The following PCNT variants were observed in gnomAD, a reference collection of about 807,000 sequenced individuals.
PCNT encodes pericentrin, also known as kendrin.
PCNT carries 319 observed loss-of-function variants against 380.4 expected under a neutral mutation model. That is an observed-to-expected ratio of 0.84 (90% CI 0.77 to 0.92). The LOEUF (loss-of-function observed/expected upper bound fraction) is 0.92, where lower values mean the gene tolerates loss of function less well. Among genes scored for constraint, PCNT ranks in the 40% least tolerant of loss-of-function variants. The pLI is 0.00. For synonymous variants in PCNT, 1,845 were observed against 1,735.2 expected, an observed-to-expected ratio of 1.06 and a Z score of -1.57; for missense variants, 4,400 against 4,255.3, an observed-to-expected ratio of 1.03 and a Z score of -0.95.
At chr21:46,377,642 A>G (rs1338878646) in intron 15 of PCNT, among the ~76,000 whole-genome samples, 1 of 152,008 alleles carries the variant, frequency 6.6e-6, no homozygotes, top group African/African-American at 2.4e-5. Flanking sequence ...AGGCAGGAGG[A>G]TTGCTGGAGC....
intron 36 of PCNT, 92 bp from the exon 37 acceptor site, chr21:46,430,415 G>T: frequency 6.7e-7 from 1 of 1,498,130 alleles, no homozygotes. Context: ...TGTGGGACCT[G>T]GCAGGGCTCT....
At chr21:46,440,372 T>C (rs2053574617) in intron 42 of PCNT, among the ~76,000 whole-genome samples, 170 bp downstream of exon 42, 1 of 152,232 alleles carries the variant, frequency 6.6e-6, no homozygotes, top group Non-Finnish European at 1.5e-5. Flanking sequence ...AATTTTGTTT[T>C]AATTGTGCAC....
chr21:46,364,245 C>T (rs1340809818), intron 14 of PCNT, among the ~76,000 whole-genome samples: 6 of 150,272 alleles, frequency 4.0e-5, no homozygotes, highest in African/African-American at 7.4e-5. Context: ...GCTTTGTGCT[C>T]GGACGGGCAG....
intron 14 of PCNT, 113 bp downstream of exon 14, chr21:46,364,047 C>A: frequency 1.1e-6 from 1 of 896,028 alleles, no homozygotes; most frequent in Non-Finnish European, 1.8e-6. Flanking sequence ...GCGAAAAGGT[C>A]TGGAGGGAGC....
At position 46,355,353 on chromosome 21, in the gene PCNT, G is replaced by A. The variant is rs934123140; in HGVS notation, c.1762-99G>A. 19 of 1,314,694 alleles carry A rather than the reference G, an allele frequency of 1.4e-5. No individual in the cohort carries two copies. In the African/African-American group the frequency reaches 1.6e-4, roughly 11 times the overall value. The allele number at this position is 1,314,694 out of a possible 1,614,324, so 81.4% of individuals were successfully genotyped here. The stretch of plus-strand genomic sequence containing the variant: ...GTCTCATGAACCTAGTGAGGTTTGA[G>A]TTTTCTTTGTGCATAGCAGGAAACA... On this transcript the variant is annotated intron_variant, in intron 11 of 46. Transcript: ENST00000359568.
chr21:46,336,149 A>T (rs1166863759), intron 3 of PCNT, among the ~76,000 whole-genome samples: 1 of 151,854 alleles, frequency 6.6e-6, no homozygotes, highest in Non-Finnish European at 1.5e-5. Context: ...GCTAATTTTT[A>T]TATTTTTAGT....
chr21:46,355,367 T>C (rs909079813), intron 11 of PCNT, 85 bp from the exon 12 acceptor site: 4 of 1,409,734 alleles, frequency 2.8e-6, no homozygotes, highest in Non-Finnish European at 3.0e-6. Context: ...TCTTTGTGCA[T>C]AGCAGGAAAC....
rs1725195769 is a variant in PCNT, at chr21:46,425,827, A to G, written c.7180-4A>G. On this transcript the variant is annotated splice_region_variant and splice_polypyrimidine_tract_variant and intron_variant, in intron 32 of 46. Transcript: ENST00000359568. The surrounding 1 kb of genome is among the most constrained non-coding windows in gnomAD (Gnocchi z 4.2). ...CTCCCTTCTGACGCGCTTTCCCGCCACAGGCTTTACTGCAGATGGTGCGTG... is the reference window on the plus strand; with the variant it reads ...CTCCCTTCTGACGCGCTTTCCCGCCGCAGGCTTTACTGCAGATGGTGCGTG... 1.2e-6 allele frequency: 2 copies of G among 1,613,444 alleles called. No individual in the cohort carries two copies. Among genetic ancestry groups the G allele is most frequent in the Non-Finnish European group, 1.7e-6 (2 of 1,179,992 alleles).
chr21:46,413,206 G>A (rs112299117), intron 29 of PCNT, among the ~76,000 whole-genome samples: 1 of 131,926 alleles, frequency 7.6e-6, no homozygotes, highest in Non-Finnish European at 1.6e-5. Flanking sequence ...AGGCCCACCC[G>A]GGAGAGGCTG....
In PCNT at chr21:46,432,003, G is replaced by T. The variant is rs775103174; in HGVS notation, c.8539G>T (p.Val2847Leu). Residue 2847 changes from valine (V) to leucine (L), a missense_variant, in exon 38 of 47, where the codon GTG becomes TTG. Coordinates refer to ENST00000359568, the MANE Select transcript of PCNT (RefSeq NM_006031.6). The part of the protein sequence containing the change: ...KEVSATLKST[V>L]EALHTQKREL... ...GGTAAGTGCCACACTGAAGTCGACG[G>T]TGGAAGCCCTGCACACCCAAAAACG... 6.2e-7 allele frequency: 1 copy of T among 1,613,942 alleles called. No homozygotes were observed. The highest frequency in any genetic ancestry group is 8.5e-7 in the Non-Finnish European group (1 of 1,180,036).
At chr21:46,434,712 G>C (rs561598705) in intron 38 of PCNT, among the ~76,000 whole-genome samples, 1 of 152,358 alleles carries the variant, frequency 6.6e-6, no homozygotes, top group East Asian at 1.9e-4. Context: ...TGCTCCTTGA[G>C]GTCTGGCTTA....
chr21:46,407,585 C>T (rs1320581849), intron 27 of PCNT, among the ~76,000 whole-genome samples: 5 of 152,046 alleles, frequency 3.3e-5, no homozygotes, highest in African/African-American at 4.8e-5. Flanking sequence ...CCTCGTGATC[C>T]GCCCGACTCG....
chr21:46,347,588 C>A, intron 6 of PCNT, 76 bp downstream of exon 6: 1 of 1,341,478 alleles, frequency 7.5e-7, no homozygotes, highest in Non-Finnish European at 1.1e-6. Flanking sequence ...CATGAGAACG[C>A]TCCTCACCTT....
At chr21:46,354,647 G>T (rs1294531591) in intron 11 of PCNT, among the ~76,000 whole-genome samples, 1 of 152,190 alleles carries the variant, frequency 6.6e-6, no homozygotes, top group East Asian at 1.9e-4. Context: ...GGGAGGAGAC[G>T]CAGGGGCAGC....
rs759383219 is a variant in PCNT, at chr21:46,347,464, G to A, written c.984G>A (p.Leu328=). Residue 328 remains leucine (L), a synonymous_variant, in exon 6 of 47, where the codon CTG becomes CTA. Coordinates refer to ENST00000359568, the MANE Select transcript of PCNT (RefSeq NM_006031.6). ...VLRCGQEAAE[L]KEKLQSEMEK... is the part of the protein sequence containing the mutation. ...TTTTTGTTTTTCTTGCAGCTGAGCT[G>A]AAGGAGAAGTTACAATCAGAAATGG... The A allele has an allele frequency of 6.8e-6, 11 of 1,613,700 alleles. No individual in the cohort carries two copies. Among genetic ancestry groups the A allele is most frequent in the Non-Finnish European group, 9.3e-6 (11 of 1,179,822 alleles).
chr21:46,372,808 A>C (rs1005602882), intron 15 of PCNT, among the ~76,000 whole-genome samples: 5 of 152,156 alleles, frequency 3.3e-5, no homozygotes, highest in African/African-American at 1.2e-4. Flanking sequence ...CTGGCCCCTC[A>C]GTCCTGAGGC....
Position 46,385,990 on chromosome 21 carries a change from G to A in PCNT, c.3464+7G>A. 3.1e-6 allele frequency: 5 copies of A among 1,613,928 alleles called. No individual in the cohort carries two copies. Among genetic ancestry groups the A allele is most frequent in the Non-Finnish European group, 4.2e-6 (5 of 1,180,000 alleles). ...ACCTGTCCCACAGCGAAAGGTCAGTGTGTCCTCGGCACCGAGGCTGCCTTG... is the reference window on the plus strand; with the variant it reads ...ACCTGTCCCACAGCGAAAGGTCAGTATGTCCTCGGCACCGAGGCTGCCTTG... On this transcript the variant is annotated splice_region_variant and intron_variant, in intron 17 of 46. Transcript: ENST00000359568.
intron 44 of PCNT, chr21:46,442,790 G>A (rs779358342): frequency 8.6e-5 from 52 of 601,322 alleles, no homozygotes; most frequent in Non-Finnish European, 1.4e-4. Flanking sequence ...TCACAGGGGC[G>A]TACGGCGATG....
intron 21 of PCNT, among the ~76,000 whole-genome samples, chr21:46,391,716 A>T (rs913805988): frequency 6.6e-6 from 1 of 152,264 alleles, no homozygotes. Flanking sequence ...AATTTCATTT[A>T]AAATAACCAA....
Sources: allele counts gnomAD v4.1 joint callset (sites outside exome capture counted in the v4.1 genomes callset), GRCh38; gene constraint gnomAD v4.1.1; non-coding constraint Gnocchi (gnomAD v3.1); transcripts MANE v1.5; gene names NCBI Gene and HGNC (gene_info 2026-07-23, HGNC 2026-07-21).